Variants in NFIC observed in about 807,000 individuals in gnomAD.
The protein encoded by NFIC is nuclear factor I C, also known as nuclear factor 1 C-type.
Under a neutral mutation model 54.4 loss-of-function variants are expected in NFIC, and 12 were observed. The ratio of observed to expected loss-of-function variants is 0.22; its 90% CI spans 0.14 to 0.36. The LOEUF is 0.36. Among genes scored for constraint, NFIC ranks in the 10% least tolerant of loss-of-function variants. The pLI is 1.00. For synonymous variants in NFIC, 322 were observed against 319.2 expected (o/e 1.01, Z -0.09); for missense variants, 575 against 718.2 (o/e 0.80, Z 2.28).
At position 3,463,051 on chromosome 19, in the gene NFIC, G is replaced by A. The variant is rs770251977; in HGVS notation, c.*282G>A. The A allele has an allele frequency of 3.7e-6, 5 of 1,333,878 alleles. No individual in the cohort carries two copies. Among genetic ancestry groups the A allele is most frequent in the Middle Eastern group, 2.9e-4 (1 of 3,498 alleles). The allele number at this position is 1,333,878 out of a possible 1,614,324, so 82.6% of individuals were successfully genotyped here. ...CAACTCTCGGGACGCCAAGGCCGCA[G>A]GACTGGAGGGCCAGGCCCCGCCACC... is the stretch of plus-strand genomic sequence containing the variant. On this transcript the variant is annotated 3_prime_UTR_variant, in exon 11 of 11. Coordinates refer to ENST00000443272, the MANE Select transcript of NFIC (RefSeq NM_001245002.2).
rs1033894229 is a variant in NFIC, at chr19:3,463,060, G to A, written c.*291G>A. ...GGACGCCAAGGCCGCAGGACTGGAG[G>A]GCCAGGCCCCGCCACCCCCACGGGA... On this transcript the variant is annotated 3_prime_UTR_variant, in exon 11 of 11. Transcript: ENST00000443272. The A allele has an allele frequency of 1.5e-6, 2 of 1,318,554 alleles. No individual in the cohort carries two copies. The highest frequency in any genetic ancestry group is 9.6e-7 in the Non-Finnish European group (1 of 1,036,618). The allele number at this position is 1,318,554 out of a possible 1,614,324, so 81.7% of individuals were successfully genotyped here. A position where few individuals can be genotyped will look rare whatever the true frequency, so the allele number is the denominator to read the frequency against.
intron 2 of NFIC, among the ~76,000 whole-genome samples, chr19:3,390,137 G>A (rs2145499756): frequency 6.6e-6 from 1 of 152,326 alleles, no homozygotes; most frequent in Middle Eastern, 3.4e-3. Flanking sequence ...CGTGACCCAG[G>A]AGTGGCTGTC....
intron 1 of NFIC, among the ~76,000 whole-genome samples, chr19:3,379,865 A>G (rs1488600495): frequency 1.3e-5 from 2 of 151,062 alleles, no homozygotes. Flanking sequence ...TTGATTTTGT[A>G]GAAACGGGGC....
chr19:3,405,033 C>T (rs1185089529), intron 2 of NFIC, among the ~76,000 whole-genome samples: 1 of 152,174 alleles, frequency 6.6e-6, no homozygotes, highest in Non-Finnish European at 1.5e-5. Flanking sequence ...CGTCCACCAG[C>T]GCCCGGGAGG....
chr19:3,457,572 A>G (rs1599729293), intron 10 of NFIC, among the ~76,000 whole-genome samples: 1 of 152,026 alleles, frequency 6.6e-6, no homozygotes, highest in Non-Finnish European at 1.5e-5. Flanking sequence ...GGGTTGGAGG[A>G]TGTAGGAGTG....
intron 2 of NFIC, among the ~76,000 whole-genome samples, chr19:3,394,867 C>G (rs2081437805): frequency 6.6e-6 from 1 of 152,052 alleles, no homozygotes; most frequent in Non-Finnish European, 1.5e-5. Context: ...TGACTAATGT[C>G]TAATGTCTAG....
At chr19:3,376,916 G>C (rs1266319964) in intron 1 of NFIC, among the ~76,000 whole-genome samples, 1 of 151,836 alleles carries the variant, frequency 6.6e-6, no homozygotes, top group Non-Finnish European at 1.5e-5. Flanking sequence ...TTTTAGTAGA[G>C]ATGGGGTTTC....
chr19:3,371,998 CCTCTCTCTCTCTCTCTCTCTCT>C (rs56852086), intron 1 of NFIC, among the ~76,000 whole-genome samples: 2 of 35,414 alleles, frequency 5.6e-5, no homozygotes, highest in East Asian at 1.9e-3. Context: ...CCTCTCTCTC[CCTCTCTCTCTCTCTCTCTCTCT>C]CTCTCTCTCT....
At chr19:3,411,101 G>A (rs1049019310) in intron 2 of NFIC, 2 of 149,944 alleles carry the variant, frequency 1.3e-5, no homozygotes, top group African/African-American at 4.9e-5. Context: ...CTGCAGCCTT[G>A]ACCTCCTGGG....
intron 1 of NFIC, among the ~76,000 whole-genome samples, chr19:3,378,097 T>C (rs2081139186): frequency 6.6e-6 from 1 of 151,570 alleles, no homozygotes; most frequent in Non-Finnish European, 1.5e-5. Flanking sequence ...ATACAAAAAT[T>C]AGCTGGGCAT....
At chr19:3,430,788 C>T (rs544142084) in intron 3 of NFIC, among the ~76,000 whole-genome samples, 1 of 150,242 alleles carries the variant, frequency 6.7e-6, no homozygotes, top group Non-Finnish European at 1.5e-5. Context: ...AAAATTTAGA[C>T]AGGCACTGTG....
In NFIC at chr19:3,462,746, A is replaced by G. The variant is rs753372197; in HGVS notation, c.1510-6A>G. ...TCCCTCTTTCTGTCGCCACTGGGCC[A>G]CTCAGTCCTGGTATCTGGGATAGCA... is the stretch of plus-strand genomic sequence containing the variant. On this transcript the variant is annotated splice_polypyrimidine_tract_variant and splice_region_variant and intron_variant, in intron 10 of 10. Coordinates refer to ENST00000443272, the MANE Select transcript of NFIC (RefSeq NM_001245002.2). 18 of 1,613,434 alleles carry G rather than the reference A, an allele frequency of 1.1e-5. No individual in the cohort carries two copies. In the Admixed American group the frequency reaches 1.2e-4, roughly 10 times the overall value.
At chr19:3,442,949 C>T (rs2145656145) in intron 6 of NFIC, among the ~76,000 whole-genome samples, 1 of 152,368 alleles carries the variant, frequency 6.6e-6, no homozygotes, top group East Asian at 1.9e-4. Flanking sequence ...TGCTGCCCCA[C>T]CCCCAGGGAC....
At chr19:3,460,789 C>T (rs577788154) in intron 10 of NFIC, among the ~76,000 whole-genome samples, 27 of 150,966 alleles carry the variant, frequency 1.8e-4, no homozygotes, top group African/African-American at 6.3e-4. Flanking sequence ...ACTGGGATTA[C>T]AGGCATGAGC....
chr19:3,366,215 C>T (rs1010239570), upstream of NFIC, among the ~76,000 whole-genome samples: 1 of 151,694 alleles, frequency 6.6e-6, no homozygotes, highest in Non-Finnish European at 1.5e-5. Flanking sequence ...TGGTCTAGTG[C>T]CCTGGGGCAT....
At chr19:3,422,649 G>A (rs2081970634) in intron 2 of NFIC, among the ~76,000 whole-genome samples, 1 of 151,638 alleles carries the variant, frequency 6.6e-6, no homozygotes, top group African/African-American at 2.4e-5. Context: ...CCCAGGAGAC[G>A]GAGCTTGCAG....
rs958959877 is a variant in NFIC, at chr19:3,459,521, C to T, written c.1509+2886C>T. On this transcript the variant is annotated intron_variant, in intron 10 of 10. Transcript: ENST00000443272. The surrounding 1 kb of genome is among the most constrained non-coding windows in gnomAD (Gnocchi z 4.2). ...GCCACACAGGCGGCTGCAGCCAGGC[C>T]AGCAGGATACCAGAGCCCAAACCTC... Among the ~76,000 whole-genome samples the T allele has an allele frequency of 2.0e-5, 3 of 152,158 alleles. No individual in the cohort carries two copies. The highest frequency in any genetic ancestry group is 6.5e-5 in the Admixed American group (1 of 15,280).
At chr19:3,396,203 G>A (rs1030336114) in intron 2 of NFIC, among the ~76,000 whole-genome samples, 22 of 152,156 alleles carry the variant, frequency 1.4e-4, no homozygotes, top group Non-Finnish European at 2.4e-4. Flanking sequence ...CGGGCGCGGC[G>A]GCTCACGCCT....
chr19:3,422,444 G>A (rs995233585), intron 2 of NFIC, among the ~76,000 whole-genome samples: 7 of 151,610 alleles, frequency 4.6e-5, no homozygotes, highest in Non-Finnish European at 8.8e-5. Context: ...GAGGCCGGGC[G>A]CGGTGGCTCA....
Sources: gnomAD v4.1 joint callset for allele counts (sites outside exome capture counted in the v4.1 genomes callset) on GRCh38, gnomAD v4.1.1 for gene constraint, Gnocchi (gnomAD v3.1) non-coding constraint, MANE v1.5 for transcripts, NCBI Gene and HGNC (gene_info 2026-07-23, HGNC 2026-07-21) for gene names.